The following C12orf42 variants were observed in gnomAD, a reference collection of about 807,000 sequenced individuals.
C12orf42 encodes uncharacterized protein C12orf42.
Under a neutral mutation model 21.6 loss-of-function variants are expected in C12orf42, and 25 were observed. The ratio of observed to expected loss-of-function variants is 1.16; its 90% CI spans 0.84 to 1.62. The LOEUF (loss-of-function observed/expected upper bound fraction) is 1.62, where lower values mean the gene tolerates loss of function less well. Among genes scored for constraint, C12orf42 ranks in the 40% most tolerant of loss-of-function variants. The pLI, the probability that C12orf42 is intolerant of heterozygous loss-of-function variation, is 0.00. For missense variants in C12orf42, 483 were observed against 459.3 expected (o/e 1.05, Z -0.47); for synonymous variants, 174 against 175.0 (o/e 0.99, Z 0.05).
At chr12:103,295,732 T>C (rs1381124590) in intron 4 of C12orf42, among the ~76,000 whole-genome samples, 1 of 152,228 alleles carries the variant, frequency 6.6e-6, no homozygotes, top group Admixed American at 6.5e-5. Context: ...TAATTATTGC[T>C]GATATTAGTC....
At chr12:103,461,709 C>A (rs1027539521) in intron 2 of C12orf42, among the ~76,000 whole-genome samples, 2 of 152,050 alleles carry the variant, frequency 1.3e-5, no homozygotes, top group African/African-American at 4.8e-5. Flanking sequence ...GTTTTGGTTC[C>A]CTCCTTTGTA....
chr12:103,255,073 T>C (rs745505145), intron 10 of C12orf42, among the ~76,000 whole-genome samples: 2 of 152,152 alleles, frequency 1.3e-5, no homozygotes, highest in African/African-American at 2.4e-5. Context: ...TACTAATTTT[T>C]ATCATACAGA....
chr12:103,151,206 C>T, the C12orf42 span, among the ~76,000 whole-genome samples: 7 of 152,078 alleles, frequency 4.6e-5, no homozygotes, highest in African/African-American at 9.7e-5. Context: ...GCATTACAGG[C>T]GTGAGCCACC....
chr12:103,449,070 TA>T (rs1951760873), intron 2 of C12orf42, among the ~76,000 whole-genome samples: 1 of 149,486 alleles, frequency 6.7e-6, no homozygotes, highest in Admixed American at 6.7e-5. Flanking sequence ...AATGAGTGGA[TA>T]AAGAAAATAT....
the C12orf42 span, among the ~76,000 whole-genome samples, chr12:103,551,379 TG>T: frequency 6.6e-6 from 1 of 152,182 alleles, no homozygotes; most frequent in South Asian, 2.1e-4. Flanking sequence ...TGGTTGAGCA[TG>T]GTGGTACACA....
At chr12:103,321,583 C>T (rs1312953182) in intron 4 of C12orf42, among the ~76,000 whole-genome samples, 1 of 142,800 alleles carries the variant, frequency 7.0e-6, no homozygotes, top group Non-Finnish European at 1.5e-5. Context: ...TATTGCGGCA[C>T]TATTCACAAT....
intron 4 of C12orf42, among the ~76,000 whole-genome samples, chr12:103,278,227 G>GT (rs1003464466): frequency 2.0e-5 from 3 of 152,074 alleles, no homozygotes; most frequent in African/African-American, 4.8e-5. Flanking sequence ...GATGTTAAGG[G>GT]TTTTTTTAAA....
the C12orf42 span, among the ~76,000 whole-genome samples, chr12:103,049,757 C>T: frequency 1.3e-5 from 2 of 152,166 alleles, no homozygotes; most frequent in African/African-American, 4.8e-5. Flanking sequence ...ATTGCCTTTG[C>T]ACGTGCTGTT....
At chr12:103,114,561 C>G in the C12orf42 span, among the ~76,000 whole-genome samples, 39 of 152,284 alleles carry the variant, frequency 2.6e-4, no homozygotes, top group African/African-American at 8.2e-4. Flanking sequence ...GAACTGCAGA[C>G]CTAAACTCTT....
the C12orf42 span, among the ~76,000 whole-genome samples, chr12:103,181,557 G>A: frequency 6.6e-6 from 1 of 152,206 alleles, no homozygotes. Flanking sequence ...TGAAACACCA[G>A]TAGCCTGTGT....
At chr12:103,092,626 C>T in the C12orf42 span, among the ~76,000 whole-genome samples, 1 of 152,082 alleles carries the variant, frequency 6.6e-6, no homozygotes, top group South Asian at 2.1e-4. Context: ...TCCTGCCTTC[C>T]CCACACTCAT....
chr12:103,556,990 G>A, the C12orf42 span, among the ~76,000 whole-genome samples: 1 of 151,202 alleles, frequency 6.6e-6, no homozygotes, highest in Non-Finnish European at 1.5e-5. Flanking sequence ...CAGAGCCTTT[G>A]GAGGGAGTGT....
intron 2 of C12orf42, chr12:103,477,079 C>T (rs1373098665): frequency 6.6e-6 from 1 of 152,126 alleles, no homozygotes; most frequent in East Asian, 1.9e-4. Flanking sequence ...CTCTTATGTA[C>T]CAGACACTGA....
chr12:103,407,073 A>G (rs1352425732), intron 2 of C12orf42, among the ~76,000 whole-genome samples: 1 of 152,160 alleles, frequency 6.6e-6, no homozygotes, highest in Admixed American at 6.5e-5. Context: ...AGAGAACTCA[A>G]TGACAGCCAA....
chr12:103,286,805 A>T (rs1376732082), intron 4 of C12orf42, among the ~76,000 whole-genome samples: 1 of 152,212 alleles, frequency 6.6e-6, no homozygotes, highest in Non-Finnish European at 1.5e-5. Context: ...AAGGATGGTC[A>T]TGAATAATTG....
chr12:103,231,217 C>T, the C12orf42 span, among the ~76,000 whole-genome samples: 1 of 152,288 alleles, frequency 6.6e-6, no homozygotes, highest in South Asian at 2.1e-4. Context: ...CCATATATCC[C>T]TGCCTTCACA....
At chr12:103,317,073 G>A (rs2039581307) in intron 4 of C12orf42, among the ~76,000 whole-genome samples, 1 of 152,172 alleles carries the variant, frequency 6.6e-6, no homozygotes, top group African/African-American at 2.4e-5. Flanking sequence ...TCAAATACCA[G>A]TGCCCCAAAA....
chr12:103,066,096 C>T, the C12orf42 span, among the ~76,000 whole-genome samples: 1 of 152,182 alleles, frequency 6.6e-6, no homozygotes, highest in African/African-American at 2.4e-5. Flanking sequence ...GAGCAAGGCC[C>T]TGTCATCTTC....
chr12:103,150,667 G>C, the C12orf42 span, among the ~76,000 whole-genome samples: 1 of 152,092 alleles, frequency 6.6e-6, no homozygotes, highest in East Asian at 1.9e-4. Flanking sequence ...GAAGAAACCA[G>C]GATATAGGAT....
Sources: allele counts gnomAD v4.1 joint callset (sites outside exome capture counted in the v4.1 genomes callset), GRCh38; gene constraint gnomAD v4.1.1; transcripts MANE v1.5; gene names NCBI Gene and HGNC (gene_info 2026-07-23, HGNC 2026-07-21).